FTCD: variants seen among roughly 807,000 people sequenced by gnomAD.
FTCD encodes the protein formimidoyltransferase-cyclodeaminase.
A neutral mutation model predicts 62.9 loss-of-function variants in FTCD; 76 were observed. The observed-to-expected ratio is 1.21, with a 90% CI of 1.00 to 1.46. The LOEUF is 1.46. Ranked by LOEUF, FTCD falls within the 40% of genes most tolerant of loss-of-function variation. FTCD has a pLI of 0.00. For missense variants in FTCD, 845 were observed against 751.3 expected (o/e 1.12, Z -1.46); for synonymous variants, 397 against 336.9 (o/e 1.18, Z -1.95).
Position 46,152,970 on chromosome 21 carries a change from C to T in FTCD, c.304G>A (p.Asp102Asn), listed in dbSNP as rs2079331774. The T allele has an allele frequency of 6.4e-7, 1 of 1,557,212 alleles. No individual in the cohort carries two copies. The highest frequency in any genetic ancestry group is 1.9e-5 in the Admixed American group (1 of 51,616). ...PFIPVRGVSV[D>N]ECVLCAQAFG... is the part of the protein sequence containing the mutation. ...GCCTGGGCGCAGAGCACACACTCAT[C>T]CACGCTGACGCCCCTCACGGGGATG... Residue 102 changes from aspartate (D) to asparagine (N), a missense_variant, in exon 3 of 14, where the codon GAT (aspartate) becomes AAT (asparagine). By Grantham distance (23) the Asp-to-Asn change is conservative. Transcript: ENST00000397746.
At chr21:46,139,519 C>T (rs1030685638) in intron 10 of FTCD, among the ~76,000 whole-genome samples, 3 of 152,330 alleles carry the variant, frequency 2.0e-5, no homozygotes, top group Admixed American at 6.5e-5. Flanking sequence ...CCTACTCACA[C>T]GGACTGTGGC....
At chr21:46,149,358 A>G (rs770584658) in intron 7 of FTCD, among the ~76,000 whole-genome samples, 3 of 152,206 alleles carry the variant, frequency 2.0e-5, no homozygotes, top group Non-Finnish European at 4.4e-5. Flanking sequence ...CAGCTAGAGA[A>G]CTAAATAACT....
intron 10 of FTCD, among the ~76,000 whole-genome samples, chr21:46,141,666 GAAC>G (rs2079009771): frequency 6.6e-6 from 1 of 150,846 alleles, no homozygotes; most frequent in African/African-American, 2.4e-5. Flanking sequence ...GTCCAAAGAC[GAAC>G]AACAAACGGG....
intron 3 of FTCD, chr21:46,152,664 C>T (rs886794801): frequency 4.4e-6 from 2 of 458,076 alleles, no homozygotes; most frequent in African/African-American, 4.0e-5. Flanking sequence ...GACTTTAAGG[C>T]TCTTGGTTTG....
At position 46,138,931 on chromosome 21, in the gene FTCD, A is replaced by T; in HGVS notation, c.1261-8T>A. ...GGGGAGCCTCATTGCTTCCTGCCAT[A>T]AAGAGACAGAACCACTGGGCGAGGG... On this transcript the variant is annotated splice_region_variant and splice_polypyrimidine_tract_variant and intron_variant, in intron 10 of 13. Coordinates refer to ENST00000397746, the MANE Select transcript of FTCD (RefSeq NM_206965.2). 6.2e-7 allele frequency: 1 copy of T among 1,610,934 alleles called. No individual in the cohort carries two copies. The highest frequency in any genetic ancestry group is 8.5e-7 in the Non-Finnish European group (1 of 1,177,326).
chr21:46,137,049 G>C lies in FTCD; in HGVS notation c.1564C>G (p.Leu522Val). 6.2e-7 allele frequency: 1 copy of C among 1,613,804 alleles called. No homozygotes were observed. The highest frequency in any genetic ancestry group is 8.5e-7 in the Non-Finnish European group (1 of 1,179,986). The change falls in exon 14 of 14, where the codon CTG becomes GTG. Residue 522 changes from leucine to valine, a missense_variant. Coordinates refer to ENST00000397746, the MANE Select transcript of FTCD (RefSeq NM_206965.2). The stretch of plus-strand genomic sequence containing the variant: ...GCAGCCTGGGTCTTGGCTTCCTGCA[G>C]GAGGCTGGAAACACGATGGTGGATC... ...DQIHHRVSSL[L>V]QEAKTQAALV... is the part of the protein sequence containing the mutation.
In FTCD at chr21:46,145,959, G is replaced by T; in HGVS notation, c.969-12C>A. The T allele has an allele frequency of 1.4e-6, 2 of 1,453,874 alleles. No individual in the cohort carries two copies. The highest frequency in any genetic ancestry group is 1.8e-6 in the Non-Finnish European group (2 of 1,093,654). The allele number at this position is 1,453,874 out of a possible 1,614,324, so 90.1% of individuals were successfully genotyped here. ...CAGGGACCAGGTACCTGCAGGGTGG[G>T]CGCGGCTCAGCGGGTCTGGCCGGGG... On this transcript the variant is annotated splice_polypyrimidine_tract_variant and intron_variant, in intron 8 of 13. Transcript: ENST00000397746.
rs771977984 is a variant in FTCD at position 46,151,550 on chromosome 21, G to C, written c.636+8C>G. Reference sequence around the variant, plus strand: ...GTGGGGCTCCATGGGGTCAGTGAACGGGGTCACCTGGTCCTTCCCGCGGCC... The same window carrying C: ...GTGGGGCTCCATGGGGTCAGTGAACCGGGTCACCTGGTCCTTCCCGCGGCC... On this transcript the variant is annotated splice_region_variant and intron_variant, in intron 5 of 13. Transcript: ENST00000397746. 1.2e-6 allele frequency: 2 copies of C among 1,610,524 alleles called. No individual in the cohort carries two copies. Among genetic ancestry groups the C allele is most frequent in the Non-Finnish European group, 1.7e-6 (2 of 1,178,262 alleles).
At chr21:46,136,775 C>T, downstream of FTCD, 16 of 1,512,306 alleles carry the variant, frequency 1.1e-5, no homozygotes, top group Non-Finnish European at 1.3e-5. Flanking sequence ...ACACACAACA[C>T]AGGTTTGGTG....
downstream of FTCD, chr21:46,136,750 C>A (rs2078875070): frequency 1.3e-6 from 2 of 1,489,190 alleles, no homozygotes; most frequent in African/African-American, 2.8e-5. Flanking sequence ...CTCAGCCCTG[C>A]CCCCAAAACC....
At chr21:46,151,830 C>T (rs1018352742) in intron 4 of FTCD, 62 bp downstream of exon 4, 8 of 1,567,236 alleles carry the variant, frequency 5.1e-6, no homozygotes, top group Admixed American at 1.8e-5. Flanking sequence ...CCAGCCACCC[C>T]AGCCAGGACA....
chr21:46,139,160 C>G (rs2078939701), intron 10 of FTCD: 1 of 588,592 alleles, frequency 1.7e-6, no homozygotes, highest in South Asian at 2.0e-5. Context: ...ATGTGAGAAG[C>G]AGGTAGTTCC....
intron 5 of FTCD, 83 bp downstream of exon 5, chr21:46,151,475 G>T: frequency 1.5e-6 from 2 of 1,310,040 alleles, no homozygotes; most frequent in Non-Finnish European, 2.2e-6. Flanking sequence ...CATCCCCACC[G>T]ACCTCCCCGC....
chr21:46,141,099 T>C (rs960318558), intron 10 of FTCD, among the ~76,000 whole-genome samples: 1 of 152,090 alleles, frequency 6.6e-6, no homozygotes, highest in African/African-American at 2.4e-5. Context: ...ATTCACCTTA[T>C]TTTAAATTTC....
chr21:46,152,976 T>TG lies in FTCD; in HGVS notation c.297dup (p.Ser100GlnfsTer4), dbSNP rs1193624097. On this transcript the variant is annotated frameshift_variant, in exon 3 of 14. Coordinates refer to ENST00000397746, the MANE Select transcript of FTCD (RefSeq NM_206965.2). LOFTEE classifies it high-confidence loss of function. ...GCGCAGAGCACACACTCATCCACGC[T>TG]GACGCCCCTCACGGGGATGAAGGGG... 2.6e-6 allele frequency: 4 copies of TG among 1,555,602 alleles called. No homozygotes were observed. The highest frequency in any genetic ancestry group is 3.5e-6 in the Non-Finnish European group (4 of 1,149,704).
chr21:46,147,289 G>GAA (rs35123061), intron 7 of FTCD, among the ~76,000 whole-genome samples: 2,029 of 147,758 alleles, frequency 0.014, 56 homozygotes, highest in African/African-American at 0.046. Flanking sequence ...GGTGAAGCAG[G>GAA]AAAAAAAAAA....
At chr21:46,144,733 T>C (rs1310248822) in intron 10 of FTCD, among the ~76,000 whole-genome samples, 1 of 96,688 alleles carries the variant, frequency 1.0e-5, no homozygotes, top group Non-Finnish European at 2.0e-5. Flanking sequence ...CTCTCTCCCC[T>C]CCCTCTCTCT....
At chr21:46,154,449 T>C in intron 1 of FTCD, 117 bp from the exon 2 acceptor site, 1 of 1,258,474 alleles carries the variant, frequency 7.9e-7, no homozygotes, top group South Asian at 1.3e-5. Flanking sequence ...GGCCAAGCCT[T>C]TGGGGGCTCT....
Position 46,138,014 on chromosome 21 carries a change from A to G in FTCD, c.1443+494T>C, listed in dbSNP as rs959598362. Reference sequence around the variant, plus strand: ...TGTGCTCAAGCAATTCTCCTGCCTCAGCCTCCCAAGTAGCTGGGACCACAG... The same window carrying G: ...TGTGCTCAAGCAATTCTCCTGCCTCGGCCTCCCAAGTAGCTGGGACCACAG... On this transcript the variant is annotated intron_variant, in intron 12 of 13. Coordinates refer to ENST00000397746, the MANE Select transcript of FTCD (RefSeq NM_206965.2). 7.2e-5 allele frequency among the ~76,000 whole-genome samples: 11 copies of G among 152,286 alleles called. No homozygotes were observed. The South Asian group carries it at 2.1e-3, about 29-fold the overall frequency.
Sources: gnomAD v4.1 joint callset for allele counts (sites outside exome capture counted in the v4.1 genomes callset) on GRCh38, gnomAD v4.1.1 for gene constraint, MANE v1.5 for transcripts, NCBI Gene and HGNC (gene_info 2026-07-23, HGNC 2026-07-21) for gene names.